Variants in TOPAZ1 observed in about 807,000 individuals in gnomAD.
The protein encoded by TOPAZ1 is testis and ovary specific TOPAZ 1.
Under a neutral mutation model 172.2 loss-of-function variants are expected in TOPAZ1, and 66 were observed. The ratio of observed to expected loss-of-function variants is 0.38; its 90% confidence interval spans 0.31 to 0.47. The LOEUF is 0.47. Among genes scored for constraint, TOPAZ1 ranks in the 20% least tolerant of loss-of-function variants. The probability of loss-of-function intolerance (pLI) is 0.99; values close to 1 mark genes in which losing one functional copy is unlikely to be tolerated. For missense variants in TOPAZ1, 1,822 were observed against 1,972.4 expected, an observed-to-expected ratio of 0.92 and a Z score of 1.44; for synonymous variants, 681 against 683.9, an observed-to-expected ratio of 1.00 and a Z score of 0.07.
At chr3:44,321,729 A>G (rs1700507652) in intron 17 of TOPAZ1, among the ~76,000 whole-genome samples, 1 of 152,222 alleles carries the variant, frequency 6.6e-6, no homozygotes, top group African/African-American at 2.4e-5. Context: ...GCCTCCCCTC[A>G]GTACTTTCAT....
chr3:44,320,232 CAT>C (rs1388342560), intron 16 of TOPAZ1, among the ~76,000 whole-genome samples: 17 of 152,038 alleles, frequency 1.1e-4, no homozygotes, highest in Admixed American at 6.6e-4. Flanking sequence ...GCTTTTATAA[CAT>C]ATATTATTCT....
At chr3:44,315,105 G>GTGGATGGATGGATGGA (rs34398632) in intron 16 of TOPAZ1, among the ~76,000 whole-genome samples, 8,044 of 149,960 alleles carry the variant, frequency 0.054, 255 homozygotes, top group East Asian at 0.088. Flanking sequence ...ATTAGTTGAG[G>GTGGATGGATGGATGGA]TGGATGGATG....
chr3:44,267,408 C>T (rs1699842898), intron 6 of TOPAZ1, among the ~76,000 whole-genome samples: 1 of 151,286 alleles, frequency 6.6e-6, no homozygotes, highest in Admixed American at 6.6e-5. Context: ...GATTCTCCTG[C>T]CTCAGTCTCC....
chr3:44,320,530 G>C (rs139770378), intron 16 of TOPAZ1, among the ~76,000 whole-genome samples: 2 of 152,090 alleles, frequency 1.3e-5, no homozygotes, highest in Non-Finnish European at 2.9e-5. Flanking sequence ...CCCGGGAGGC[G>C]GAGGTTGCAG....
In TOPAZ1 at chr3:44,255,035, A is replaced by G. The variant is rs1296950112; in HGVS notation, c.2827+6A>G. 1 of 1,549,674 alleles carries G rather than the reference A, an allele frequency of 6.5e-7. No homozygotes were observed. Among genetic ancestry groups the G allele is most frequent in the African/African-American group, 1.4e-5 (1 of 73,026 alleles). ...CTGTGCTTCCAACTCAGCAGGTAAAAGTTGACATTTTCAGAATATGCAATA... is the reference window on the plus strand; with the variant it reads ...CTGTGCTTCCAACTCAGCAGGTAAAGGTTGACATTTTCAGAATATGCAATA... On this transcript the variant is annotated splice_donor_region_variant and intron_variant, in intron 3 of 19. Coordinates refer to ENST00000309765, the MANE Select transcript of TOPAZ1 (RefSeq NM_001145030.2).
intron 11 of TOPAZ1, among the ~76,000 whole-genome samples, chr3:44,290,314 T>C (rs1346867580): frequency 6.6e-6 from 1 of 152,168 alleles, no homozygotes; most frequent in African/African-American, 2.4e-5. Flanking sequence ...AGCCTTTGAA[T>C]TGGTATTTTT....
At chr3:44,245,774 C>T (rs1232292425) in intron 2 of TOPAZ1, among the ~76,000 whole-genome samples, 4 of 152,132 alleles carry the variant, frequency 2.6e-5, no homozygotes, top group South Asian at 2.1e-4. Flanking sequence ...CTCCTGACCT[C>T]GTGATCCACC....
Position 44,243,516 on chromosome 3 carries a change from C to T in TOPAZ1, c.1010C>T (p.Ser337Phe), listed in dbSNP as rs868002717. Reference protein sequence around the residue: ...GRKPRKRMKLSEKADETVTEM... With the variant: ...GRKPRKRMKLFEKADETVTEM... Reference sequence around the variant, plus strand: ...AAACCCAGGAAAAGGATGAAGTTGTCTGAAAAAGCAGATGAAACAGTTACT... The same window carrying T: ...AAACCCAGGAAAAGGATGAAGTTGTTTGAAAAAGCAGATGAAACAGTTACT... The change falls in exon 2 of 20, where the codon TCT becomes TTT. Residue 337 changes from serine to phenylalanine, a missense_variant. Ser to Phe is a radical substitution (Grantham distance 155). Around this residue, in one of 2 missense-constraint regions of TOPAZ1, gnomAD observed 1,489 missense variants for 1,490.8 expected, o/e 1.00. Coordinates refer to ENST00000309765, the MANE Select transcript of TOPAZ1 (RefSeq NM_001145030.2). The T allele has an allele frequency of 6.4e-7, 1 of 1,551,548 alleles. No homozygotes were observed.
Position 44,242,179 on chromosome 3 carries a change from G to C in TOPAZ1, c.126G>C (p.Gly42=), listed in dbSNP as rs1392608015. 1.3e-6 allele frequency: 2 copies of C among 1,544,984 alleles called. No homozygotes were observed. Among genetic ancestry groups the C allele is most frequent in the Admixed American group, 2.0e-5 (1 of 48,982 alleles). The change falls in exon 1 of 20, where the codon GGG becomes GGC. Residue 42 remains glycine (G), a synonymous_variant. Coordinates refer to ENST00000309765, the MANE Select transcript of TOPAZ1 (RefSeq NM_001145030.2). The part of the protein sequence containing the change: ...AAGGCGPEAG[G]CRENKQKRRM... ...GAGGCTGTGGCCCTGAGGCCGGGGG[G>C]TGCCGGGAAAATAAGCAAAAGAGGA...
chr3:44,297,236 G>A (rs1386641486), intron 12 of TOPAZ1, among the ~76,000 whole-genome samples: 1 of 151,674 alleles, frequency 6.6e-6, no homozygotes, highest in Non-Finnish European at 1.5e-5. Context: ...CTTTGATGCA[G>A]AAATTATCAA....
Position 44,305,398 on chromosome 3 carries a change from C to T in TOPAZ1, c.4039+77C>T, listed in dbSNP as rs564045763. ...CTTTTTTGTTTTTTAGAGACAGGGT[C>T]TTCCTTTGTTACCCAGGCTGGAGTA... On this transcript the variant is annotated intron_variant, in intron 14 of 19. Transcript: ENST00000309765. 199 of 1,275,806 alleles carry T rather than the reference C, an allele frequency of 1.6e-4. No individual in the cohort carries two copies. In the African/African-American group the frequency reaches 2.9e-3, roughly 19 times the overall value. The allele number at this position is 1,275,806 out of a possible 1,614,324, so 79.0% of individuals were successfully genotyped here.
At chr3:44,292,815 G>T (rs1215945608) in intron 12 of TOPAZ1, among the ~76,000 whole-genome samples, 5 of 152,090 alleles carry the variant, frequency 3.3e-5, no homozygotes, top group African/African-American at 1.2e-4. Flanking sequence ...TTCTCTTCTG[G>T]TTATTTGAAA....
rs748723068 is a variant in TOPAZ1, at chr3:44,244,681, C to A, written c.2175C>A (p.Asp725Glu). 6.4e-7 allele frequency: 1 copy of A among 1,551,254 alleles called. No homozygotes were observed. The highest frequency in any genetic ancestry group is 8.7e-7 in the Non-Finnish European group (1 of 1,146,984). ...LELLDNLSGA[D>E]VRQNRSKENV... ...TTCTGGACAATTTATCTGGAGCAGA[C>A]GTAAGACAGAACAGGAGTAAAGAAA... The change falls in exon 2 of 20, where the codon GAC (aspartate) becomes GAA (glutamate). Residue 725 changes from aspartate (D) to glutamate (E), a missense_variant. Asp to Glu is a conservative substitution (Grantham distance 45). This residue lies in a region of TOPAZ1 where 1,489 missense variants were observed against 1,490.8 expected (regional missense o/e 1.00). Transcript: ENST00000309765.
intron 7 of TOPAZ1, 69 bp downstream of exon 7, chr3:44,269,370 T>C (rs1420741899): frequency 1.9e-5 from 15 of 788,706 alleles, no homozygotes; most frequent in Non-Finnish European, 3.1e-5. Flanking sequence ...TTCTCCTCCC[T>C]CCTCTTCCTC....
intron 3 of TOPAZ1, among the ~76,000 whole-genome samples, chr3:44,255,424 A>G (rs1699686482): frequency 6.6e-6 from 1 of 151,984 alleles, no homozygotes; most frequent in South Asian, 2.1e-4. Context: ...AGTCCGCGGC[A>G]GGTGGATCAC....
At position 44,241,921 on chromosome 3, in the gene TOPAZ1, C is replaced by T; in HGVS notation, c.-133C>T. ...ACGCGCCCCACTTCCGCTTCCGGCC[C>T]CGGGCTGTGGTGACTGGCGGTGTGG... On this transcript the variant is annotated 5_prime_UTR_variant, in exon 1 of 20. Coordinates refer to ENST00000309765, the MANE Select transcript of TOPAZ1 (RefSeq NM_001145030.2). 2.3e-6 allele frequency: 2 copies of T among 881,592 alleles called. No individual in the cohort carries two copies. The highest frequency in any genetic ancestry group is 3.5e-5 in the South Asian group (2 of 57,568). The allele number at this position is 881,592 out of a possible 1,614,324, so 54.6% of individuals were successfully genotyped here. A position where few individuals can be genotyped will look rare whatever the true frequency, so the allele number is the denominator to read the frequency against.
intron 9 of TOPAZ1, 29 bp from the exon 10 acceptor site, chr3:44,287,360 G>T: frequency 3.2e-6 from 4 of 1,267,784 alleles, no homozygotes; most frequent in South Asian, 2.3e-5. Flanking sequence ...AGCAGCAAAT[G>T]ACTTTAGTAT....
intron 11 of TOPAZ1, 143 bp from the exon 12 acceptor site, chr3:44,290,628 C>T: frequency 3.0e-5 from 17 of 569,484 alleles, no homozygotes; most frequent in Middle Eastern, 6.3e-4. Flanking sequence ...GGTTCTGTGC[C>T]TCAATTTTTT....
chr3:44,251,077 A>T (rs1037043250), intron 2 of TOPAZ1, among the ~76,000 whole-genome samples: 8 of 152,288 alleles, frequency 5.3e-5, no homozygotes, highest in African/African-American at 1.9e-4. Flanking sequence ...GACCACAATT[A>T]GCATCTCAAA....
Sources: gnomAD v4.1 joint callset for allele counts (sites outside exome capture counted in the v4.1 genomes callset) on GRCh38, gnomAD v4.1.1 for gene constraint, gnomAD v4.1.1 regional missense constraint, MANE v1.5 for transcripts, NCBI Gene and HGNC (gene_info 2026-07-23, HGNC 2026-07-21) for gene names.